Variants in COL28A1 observed in about 807,000 individuals in gnomAD.
The protein encoded by COL28A1 is collagen type XXVIII alpha 1 chain.
Under a neutral mutation model 150.2 loss-of-function variants are expected in COL28A1, and 161 were observed. The observed-to-expected ratio is 1.07, with a 90% CI of 0.94 to 1.22. The LOEUF is 1.22. COL28A1 is among the 50% of genes most tolerant of loss of function. The probability of loss-of-function intolerance (pLI) is 0.00; values close to 1 mark genes in which losing one functional copy is unlikely to be tolerated. For missense variants in COL28A1, 1,617 were observed against 1,388.3 expected, an observed-to-expected ratio of 1.16 and a Z score of -2.62; for synonymous variants, 552 against 469.7, an observed-to-expected ratio of 1.18 and a Z score of -2.26.
intron 4 of COL28A1, among the ~76,000 whole-genome samples, chr7:7,523,467 T>C (rs1412575988): frequency 6.6e-6 from 1 of 152,070 alleles, no homozygotes; most frequent in Non-Finnish European, 1.5e-5. Flanking sequence ...CGTTTTTTTT[T>C]TCCTTTCTTA....
Position 7,531,881 on chromosome 7 carries a change from C to A in COL28A1, c.148G>T (p.Val50Phe), listed in dbSNP as rs535896458. The A allele has an allele frequency of 1.2e-6, 2 of 1,605,652 alleles. No homozygotes were observed. The highest frequency in any genetic ancestry group is 1.1e-5 in the South Asian group (1 of 90,710). ...VQGSICFIDI[V>F]FIVDSSESSK... ...CTTTCAGAGCTGTCCACGATGAAGA[C>A]AATATCTATGAAACAAATGGAGCCT... The change falls in exon 3 of 35, where the codon GTC becomes TTC. Residue 50 changes from valine to phenylalanine, a missense_variant. Val to Phe is a conservative substitution (Grantham distance 50). Coordinates refer to ENST00000399429, the MANE Select transcript of COL28A1 (RefSeq NM_001037763.3).
rs191414144 is a variant in COL28A1 at position 7,437,486 on chromosome 7, T to C, written c.1723-24A>G. 13 of 1,608,394 alleles carry C rather than the reference T, an allele frequency of 8.1e-6. No homozygotes were observed. In the Admixed American group the frequency reaches 1.5e-4, roughly 19 times the overall value. On this transcript the variant is annotated intron_variant, in intron 21 of 34. Transcript: ENST00000399429. ...CCCTTAAAAAGAGCAAAATGCTCAC[T>C]ACATTTCAAGCAGAGAAAGCACATA...
intron 11 of COL28A1, among the ~76,000 whole-genome samples, chr7:7,493,891 A>G (rs1428111965): frequency 6.6e-6 from 1 of 152,074 alleles, no homozygotes; most frequent in African/African-American, 2.4e-5. Context: ...TGGCATGCCC[A>G]AAAAATTGCA....
intron 13 of COL28A1, among the ~76,000 whole-genome samples, chr7:7,486,177 C>G (rs1198974512): frequency 6.6e-6 from 1 of 152,108 alleles, no homozygotes; most frequent in African/African-American, 2.4e-5. Flanking sequence ...TATTAGATTT[C>G]TACCCAAGTA....
intron 8 of COL28A1, among the ~76,000 whole-genome samples, chr7:7,515,012 G>A (rs75980212): frequency 0.08 from 12,158 of 152,200 alleles, 661 homozygotes; most frequent in Middle Eastern, 0.12. Context: ...GCAGACTCCT[G>A]GCTCCATGAG....
chr7:7,419,998 TTTATG>T (rs764926874), intron 25 of COL28A1, 45 bp from the exon 26 acceptor site: 26 of 1,311,584 alleles, frequency 2.0e-5, no homozygotes, highest in East Asian at 5.1e-5. Flanking sequence ...TTTTAAAGAC[TTTATG>T]TTTTTTTCAA....
At chr7:7,521,796 C>A in intron 5 of COL28A1, 109 bp downstream of exon 5, 1 of 728,492 alleles carries the variant, frequency 1.4e-6, no homozygotes, top group Non-Finnish European at 2.5e-6. Context: ...CTCCCATTTC[C>A]AAACAATTGC....
chr7:7,377,832 C>A (rs1042467096), intron 30 of COL28A1, among the ~76,000 whole-genome samples: 2 of 143,024 alleles, frequency 1.4e-5, no homozygotes, highest in African/African-American at 5.1e-5. Flanking sequence ...AACCAGACAT[C>A]AGAAGGCTGT....
intron 33 of COL28A1, among the ~76,000 whole-genome samples, chr7:7,361,568 T>C (rs2128278444): frequency 6.6e-6 from 1 of 152,372 alleles, no homozygotes; most frequent in East Asian, 1.9e-4. Context: ...ATTGTGGTTT[T>C]GATCTACATT....
downstream of COL28A1, among the ~76,000 whole-genome samples, chr7:7,351,312 A>G (rs1033652322): frequency 2.0e-5 from 3 of 152,168 alleles, no homozygotes; most frequent in African/African-American, 7.2e-5. Flanking sequence ...TTACAATAAT[A>G]ACACAATTAT....
the COL28A1 span, among the ~76,000 whole-genome samples, chr7:7,343,420 C>T: frequency 6.6e-6 from 1 of 151,802 alleles, no homozygotes; most frequent in Non-Finnish European, 1.5e-5. Flanking sequence ...TTTTTCCTTG[C>T]TGCGTGCTAG....
intron 27 of COL28A1, among the ~76,000 whole-genome samples, chr7:7,402,702 A>C (rs1263680802): frequency 6.6e-6 from 1 of 152,092 alleles, no homozygotes; most frequent in Non-Finnish European, 1.5e-5. Context: ...TTTCTCCCCC[A>C]CTGTATGTTT....
intron 13 of COL28A1, among the ~76,000 whole-genome samples, chr7:7,479,083 G>A (rs1715517978): frequency 6.6e-6 from 1 of 152,226 alleles, no homozygotes; most frequent in Admixed American, 6.5e-5. Flanking sequence ...TGCGAGGGCT[G>A]CCAGCACGCT....
chr7:7,445,756 A>G (rs953015827), intron 18 of COL28A1, among the ~76,000 whole-genome samples: 8 of 152,208 alleles, frequency 5.3e-5, no homozygotes, highest in African/African-American at 1.7e-4. Flanking sequence ...CAAGCCAGTG[A>G]AAAAAAGCAC....
chr7:7,539,531 G>A (rs939323324), upstream of COL28A1, among the ~76,000 whole-genome samples: 1 of 152,176 alleles, frequency 6.6e-6, no homozygotes, highest in African/African-American at 2.4e-5. Flanking sequence ...GAGGTTTGGA[G>A]GGGGCAAATA....
At chr7:7,424,317 C>A (rs937102058) in intron 25 of COL28A1, among the ~76,000 whole-genome samples, 3 of 152,122 alleles carry the variant, frequency 2.0e-5, no homozygotes, top group South Asian at 2.1e-4. Context: ...TTTGTGGTTC[C>A]ATGGGCCGTG....
chr7:7,412,764 G>A (rs892797647), intron 27 of COL28A1, among the ~76,000 whole-genome samples: 1 of 152,006 alleles, frequency 6.6e-6, no homozygotes, highest in Non-Finnish European at 1.5e-5. Flanking sequence ...ACACTCTGGT[G>A]GAATATCAAC....
intron 18 of COL28A1, among the ~76,000 whole-genome samples, chr7:7,450,147 A>T (rs1200502711): frequency 6.6e-6 from 1 of 152,154 alleles, no homozygotes; most frequent in African/African-American, 2.4e-5. Context: ...TATATGAAAG[A>T]GGTGGTACTG....
At chr7:7,388,168 C>A (rs1349505575) in intron 27 of COL28A1, among the ~76,000 whole-genome samples, 2 of 151,996 alleles carry the variant, frequency 1.3e-5, no homozygotes, top group Admixed American at 6.6e-5. Flanking sequence ...CCCTAGCCCC[C>A]CACCCCATGA....
Sources: gnomAD v4.1 joint callset for allele counts (sites outside exome capture counted in the v4.1 genomes callset) on GRCh38, gnomAD v4.1.1 for gene constraint, MANE v1.5 for transcripts, NCBI Gene and HGNC (gene_info 2026-07-23, HGNC 2026-07-21) for gene names.